The following SELENOT variants were observed in gnomAD, a reference collection of about 807,000 sequenced individuals.
SELENOT encodes selenoprotein T.
SELENOT carries 9 observed loss-of-function variants against 24.3 expected under a neutral mutation model. The ratio of observed to expected loss-of-function variants is 0.37; its 90% CI spans 0.22 to 0.65. SELENOT has a LOEUF of 0.65. SELENOT is among the 30% of genes least tolerant of loss of function. The pLI is 0.60. For missense variants in SELENOT, 166 were observed against 247.6 expected (o/e 0.67, Z 2.21); for synonymous variants, 81 against 86.0 (o/e 0.94, Z 0.32).
Position 150,627,231 on chromosome 3 carries a change from A to T in SELENOT, c.*29+68A>T. 8 of 1,119,022 alleles carry T rather than the reference A, an allele frequency of 7.1e-6. No individual in the cohort carries two copies. The South Asian group carries it at 1.5e-4, about 21-fold the overall frequency. The allele number at this position is 1,119,022 out of a possible 1,614,324, so 69.3% of individuals were successfully genotyped here. On this transcript the variant is annotated intron_variant, in intron 5 of 5. Coordinates refer to ENST00000471696, the MANE Select transcript of SELENOT (RefSeq NM_016275.5). Reference sequence around the variant, plus strand: ...TTCTTATGACTCAGCAAGTTAGTAAATATTACATATATTATCACTTGAGTT... The same window carrying T: ...TTCTTATGACTCAGCAAGTTAGTAATTATTACATATATTATCACTTGAGTT...
intron 1 of SELENOT, among the ~76,000 whole-genome samples, chr3:150,620,852 A>T (rs1275378587): frequency 2.6e-5 from 4 of 151,996 alleles, no homozygotes; most frequent in Admixed American, 2.6e-4. Flanking sequence ...AATATTAAAC[A>T]TTTTTTTATA....
At chr3:150,623,977 T>A (rs1156493852) in intron 3 of SELENOT, among the ~76,000 whole-genome samples, 1 of 152,110 alleles carries the variant, frequency 6.6e-6, no homozygotes, top group African/African-American at 2.4e-5. Flanking sequence ...GACTCCTGCA[T>A]AGCTGTGCTT....
intron 1 of SELENOT, among the ~76,000 whole-genome samples, chr3:150,605,324 C>CT (rs1342927786): frequency 6.6e-6 from 1 of 151,772 alleles, no homozygotes; most frequent in Non-Finnish European, 1.5e-5. Context: ...TTTACGTTTG[C>CT]TTTTTTTGGA....
At chr3:150,610,707 C>G (rs1305563893) in intron 1 of SELENOT, among the ~76,000 whole-genome samples, 1 of 152,160 alleles carries the variant, frequency 6.6e-6, no homozygotes, top group African/African-American at 2.4e-5. Flanking sequence ...TGAACTCTTT[C>G]AGGAAAAGAG....
chr3:150,608,753 T>C (rs1156657606), intron 1 of SELENOT, among the ~76,000 whole-genome samples: 1 of 152,226 alleles, frequency 6.6e-6, no homozygotes, highest in Non-Finnish European at 1.5e-5. Flanking sequence ...AGCATGTAAT[T>C]GAACTCCTTG....
At chr3:150,609,461 C>T (rs972412783) in intron 1 of SELENOT, among the ~76,000 whole-genome samples, 3 of 152,134 alleles carry the variant, frequency 2.0e-5, no homozygotes, top group South Asian at 4.1e-4. Context: ...GTCATTCTCC[C>T]ACCTCAGCCT....
At chr3:150,604,808 A>G (rs893335691) in intron 1 of SELENOT, among the ~76,000 whole-genome samples, 7 of 152,140 alleles carry the variant, frequency 4.6e-5, no homozygotes, top group Admixed American at 1.3e-4. Flanking sequence ...GGCCGAGGCT[A>G]GCGGATCACC....
At chr3:150,615,644 G>A (rs1726195419) in intron 1 of SELENOT, among the ~76,000 whole-genome samples, 1 of 152,148 alleles carries the variant, frequency 6.6e-6, no homozygotes, top group South Asian at 2.1e-4. Context: ...ACTTACAAGG[G>A]ATGTGAAGAA....
chr3:150,610,518 T>C (rs1249271512), intron 1 of SELENOT, among the ~76,000 whole-genome samples: 1 of 152,222 alleles, frequency 6.6e-6, no homozygotes, highest in African/African-American at 2.4e-5. Context: ...AGAATATACA[T>C]AATTGATGAC....
chr3:150,606,435 A>G (rs1051612026), intron 1 of SELENOT, among the ~76,000 whole-genome samples: 55 of 152,206 alleles, frequency 3.6e-4, no homozygotes, highest in African/African-American at 1.3e-3. Flanking sequence ...AGACTGGCAC[A>G]GTATTACTTG....
At chr3:150,607,082 C>T (rs997068579) in intron 1 of SELENOT, among the ~76,000 whole-genome samples, 1 of 152,132 alleles carries the variant, frequency 6.6e-6, no homozygotes, top group Non-Finnish European at 1.5e-5. Flanking sequence ...TTAATATTTA[C>T]TTGAACATTT....
At chr3:150,621,385 A>ATT (rs907550075) in intron 1 of SELENOT, among the ~76,000 whole-genome samples, 1 of 149,358 alleles carries the variant, frequency 6.7e-6, no homozygotes. Flanking sequence ...AGTGGTTATC[A>ATT]TTTTTTTTTT....
chr3:150,611,734 C>G, intron 1 of SELENOT: 1 of 1,518,704 alleles, frequency 6.6e-7, no homozygotes, highest in South Asian at 1.1e-5. Flanking sequence ...GCCAGGAGCC[C>G]GGCCTGGCCG....
Position 150,624,874 on chromosome 3 carries a change from A to G in SELENOT, c.438A>G (p.Thr146=). Residue 146 remains threonine (T), a synonymous_variant, in exon 4 of 6, where the codon ACA becomes ACG. Transcript: ENST00000471696. ...SNMIENQCMS[T]GAFEITLNDV... ...TGATTGAGAACCAGTGTATGTCAAC[A>G]GGTGCATTTGAGATAACTTTAAATG... The G allele has an allele frequency of 1.3e-6, 2 of 1,561,078 alleles. No homozygotes were observed. Among genetic ancestry groups the G allele is most frequent in the African/African-American group, 1.4e-5 (1 of 73,838 alleles).
At chr3:150,611,160 CAG>C (rs1181137605) in intron 1 of SELENOT, 4 of 657,352 alleles carry the variant, frequency 6.1e-6, no homozygotes, top group Non-Finnish European at 1.0e-5. Context: ...AAAATAAAAT[CAG>C]AAAATCTTTT....
intron 1 of SELENOT, 134 bp from the exon 2 acceptor site, chr3:150,622,251 G>T: frequency 2.4e-6 from 1 of 415,556 alleles, no homozygotes; most frequent in Non-Finnish European, 4.4e-6. Context: ...TTGTCATCCT[G>T]GTTCAATTAT....
chr3:150,610,714 A>G (rs1726066708), intron 1 of SELENOT, among the ~76,000 whole-genome samples: 1 of 152,350 alleles, frequency 6.6e-6, no homozygotes, highest in East Asian at 1.9e-4. Flanking sequence ...TTTCAGGAAA[A>G]GAGACTAAAA....
At chr3:150,605,701 A>G (rs184564532) in intron 1 of SELENOT, among the ~76,000 whole-genome samples, 7 of 152,332 alleles carry the variant, frequency 4.6e-5, no homozygotes, top group Admixed American at 2.0e-4. Context: ...ATACAGATCA[A>G]CTTAGCTTGT....
At chr3:150,625,940 A>G (rs918269395) in intron 4 of SELENOT, among the ~76,000 whole-genome samples, 2 of 147,488 alleles carry the variant, frequency 1.4e-5, no homozygotes, top group Non-Finnish European at 3.0e-5. Context: ...CGCGATCTCG[A>G]TTCACTGCAA....
Sources: allele counts gnomAD v4.1 joint callset (sites outside exome capture counted in the v4.1 genomes callset), GRCh38; gene constraint gnomAD v4.1.1; transcripts MANE v1.5; gene names NCBI Gene and HGNC (gene_info 2026-07-23, HGNC 2026-07-21).